Variants in PTGER3 observed in about 807,000 individuals in gnomAD.
PTGER3 encodes prostaglandin E2 receptor EP3 subtype.
A neutral mutation model predicts 34.7 loss-of-function variants in PTGER3; 22 were observed. That is an observed-to-expected ratio of 0.63 (90% confidence interval 0.45 to 0.91). The LOEUF (loss-of-function observed/expected upper bound fraction) is 0.91, where lower values mean the gene tolerates loss of function less well. Ranked by LOEUF, PTGER3 falls within the 40% of genes least tolerant of loss-of-function variation. PTGER3 has a pLI of 0.00. For synonymous variants in PTGER3, 241 were observed against 230.1 expected (o/e 1.05, Z -0.43); for missense variants, 468 against 519.4 (o/e 0.90, Z 0.96).
chr1:71,020,697 A>AGTGTGTGTGTGTGTGTGTGT (rs112981971), intron 1 of PTGER3, among the ~76,000 whole-genome samples: 13 of 144,886 alleles, frequency 9.0e-5, no homozygotes, highest in African/African-American at 3.0e-4. Context: ...ATGTTAGCAG[A>AGTGTGTGTGTGTGTGTGTGT]GTGTGTGTGT....
intron 4 of PTGER3, chr1:70,862,526 A>G (rs1222165290): frequency 2.1e-6 from 1 of 465,390 alleles, no homozygotes; most frequent in African/African-American, 2.0e-5. Context: ...AGGACAGGGG[A>G]GAGTCTCATG....
At chr1:71,043,672 T>G (rs1573014873) in intron 1 of PTGER3, among the ~76,000 whole-genome samples, 1 of 152,332 alleles carries the variant, frequency 6.6e-6, no homozygotes, top group East Asian at 1.9e-4. Context: ...TTAACACTAA[T>G]ATGCTGAAAA....
intron 4 of PTGER3, chr1:70,883,874 C>G (rs1276353561): frequency 8.5e-6 from 2 of 235,630 alleles, no homozygotes; most frequent in Non-Finnish European, 1.7e-5. Flanking sequence ...ACCAGCCTGG[C>G]AAACATGGTG....
At chr1:70,856,965 A>C (rs1220287279) in intron 4 of PTGER3, among the ~76,000 whole-genome samples, 1 of 152,254 alleles carries the variant, frequency 6.6e-6, no homozygotes, top group East Asian at 1.9e-4. Flanking sequence ...TGTCAAACAT[A>C]GAAAACTTGC....
chr1:70,867,081 A>G (rs1646058153), intron 4 of PTGER3, among the ~76,000 whole-genome samples: 1 of 152,220 alleles, frequency 6.6e-6, no homozygotes, highest in South Asian at 2.1e-4. Flanking sequence ...CACTGTCAAT[A>G]CAAAATTCTC....
At chr1:70,873,716 C>T (rs569535632) in intron 4 of PTGER3, among the ~76,000 whole-genome samples, 125 of 150,062 alleles carry the variant, frequency 8.3e-4, no homozygotes, top group African/African-American at 2.2e-3. Flanking sequence ...GGCACTATCT[C>T]GGCTCACTGC....
At chr1:70,987,461 C>T (rs1420200550) in intron 2 of PTGER3, among the ~76,000 whole-genome samples, 1 of 152,122 alleles carries the variant, frequency 6.6e-6, no homozygotes, top group Non-Finnish European at 1.5e-5. Flanking sequence ...TATATTACCA[C>T]ATCAGTAATT....
At chr1:71,008,160 A>G in intron 2 of PTGER3, 1 of 963,308 alleles carries the variant, frequency 1.0e-6, no homozygotes. Flanking sequence ...AGTCAAGGGG[A>G]CTAGGAGAAA....
At chr1:70,953,989 C>A (rs1211245684) in intron 2 of PTGER3, among the ~76,000 whole-genome samples, 1 of 152,098 alleles carries the variant, frequency 6.6e-6, no homozygotes, top group African/African-American at 2.4e-5. Context: ...GGAACACTGT[C>A]ATTCATCCCC....
At chr1:70,910,999 G>C (rs1051660556) in intron 4 of PTGER3, among the ~76,000 whole-genome samples, 4 of 151,832 alleles carry the variant, frequency 2.6e-5, no homozygotes, top group Non-Finnish European at 5.9e-5. Flanking sequence ...AGAATCGCTT[G>C]AACCCGGGAG....
At chr1:71,007,545 A>G in intron 2 of PTGER3, 3 of 985,424 alleles carry the variant, frequency 3.0e-6, no homozygotes, top group Non-Finnish European at 3.6e-6. Context: ...CTGGCACAAA[A>G]TGATGAAGGT....
At position 70,959,162 on chromosome 1, in the gene PTGER3, G is replaced by A. The variant is rs151134710; in HGVS notation, c.1078-5373C>T. On this transcript the variant is annotated intron_variant, in intron 2 of 3. Transcript: ENST00000356595. Reference sequence around the variant, plus strand: ...ATTGCTGTGGCTATCTGGGTCTTCCGTGGTTCCACATAAATTTTAAAATTG... The same window carrying A: ...ATTGCTGTGGCTATCTGGGTCTTCCATGGTTCCACATAAATTTTAAAATTG... Among the ~76,000 whole-genome samples the A allele has an allele frequency of 1.0e-3, 153 of 152,226 alleles. 1 individual carries two copies. Among genetic ancestry groups the A allele is most frequent in the African/African-American group, 3.4e-3 (141 of 41,528 alleles).
chr1:70,987,964 G>A (rs773870904), intron 2 of PTGER3, among the ~76,000 whole-genome samples: 2 of 152,128 alleles, frequency 1.3e-5, no homozygotes, highest in Non-Finnish European at 2.9e-5. Context: ...CTCTCATTAC[G>A]TAGTGTAAAT....
intron 4 of PTGER3, among the ~76,000 whole-genome samples, chr1:70,882,640 G>T (rs1646414206): frequency 6.6e-6 from 1 of 152,180 alleles, no homozygotes; most frequent in Admixed American, 6.5e-5. Context: ...TGACCAGGTG[G>T]CTCTCTACCT....
Position 70,971,227 on chromosome 1 carries a change from C to A in PTGER3, c.*503G>T. ...GGCACAAATATTTTTTGTCACGATT[C>A]CCTCCTGCCCTCATTTGCTTTTATA... On this transcript the variant is annotated 3_prime_UTR_variant, in exon 4 of 4. Coordinates refer to ENST00000306666, the MANE Select transcript of PTGER3 (RefSeq NM_198719.2). 1 of 985,434 alleles carries A rather than the reference C, an allele frequency of 1.0e-6. No homozygotes were observed. The highest frequency in any genetic ancestry group is 4.7e-5 in the South Asian group (1 of 21,290). 61.0% of individuals were successfully genotyped at this position (985,434 alleles called of 1,614,324 possible).
intron 1 of PTGER3, among the ~76,000 whole-genome samples, chr1:71,024,645 C>CTTTTT (rs35271200): frequency 2.3e-3 from 267 of 117,070 alleles, no homozygotes; most frequent in African/African-American, 5.0e-3. Flanking sequence ...CCTTTTCTTT[C>CTTTTT]TTTTTTTTTT....
chr1:71,042,305 G>T (rs1280016137), intron 1 of PTGER3, among the ~76,000 whole-genome samples: 1 of 150,332 alleles, frequency 6.7e-6, no homozygotes, highest in Non-Finnish European at 1.5e-5. Flanking sequence ...CTTGCTCTCA[G>T]TCATGAAGTC....
intron 1 of PTGER3, among the ~76,000 whole-genome samples, chr1:71,023,208 C>A (rs1374724663): frequency 1.3e-5 from 2 of 151,886 alleles, no homozygotes; most frequent in South Asian, 4.1e-4. Flanking sequence ...AGGCCACCAA[C>A]AAGGTTGCAG....
chr1:70,991,668 G>A (rs1447001720), intron 2 of PTGER3, among the ~76,000 whole-genome samples: 5 of 152,084 alleles, frequency 3.3e-5, no homozygotes, highest in Admixed American at 6.6e-5. Context: ...CCAGCCCTTC[G>A]TGTCTTTCCC....
Sources: gnomAD v4.1 joint callset for allele counts (sites outside exome capture counted in the v4.1 genomes callset) on GRCh38, gnomAD v4.1.1 for gene constraint, MANE v1.5 for transcripts, NCBI Gene and HGNC (gene_info 2026-07-23, HGNC 2026-07-21) for gene names.